Variants in IMMP2L observed in about 807,000 individuals in gnomAD.
IMMP2L encodes the protein mitochondrial inner membrane protease subunit 2.
A neutral mutation model predicts 19.3 loss-of-function variants in IMMP2L; 18 were observed. That is an observed-to-expected ratio of 0.93 (90% confidence interval 0.64 to 1.38). The LOEUF is 1.38. IMMP2L is among the 40% of genes most tolerant of loss of function. IMMP2L has a pLI of 0.00. For synonymous variants in IMMP2L, 76 were observed against 73.0 expected (o/e 1.04, Z -0.21); for missense variants, 233 against 218.2 (o/e 1.07, Z -0.43).
At chr7:111,493,693 A>T (rs894528037) in intron 2 of IMMP2L, among the ~76,000 whole-genome samples, 3 of 148,228 alleles carry the variant, frequency 2.0e-5, no homozygotes, top group Non-Finnish European at 4.5e-5. Flanking sequence ...CGACAGAGCA[A>T]GACTCCGTCT....
chr7:111,235,994 T>C (rs1242165082), intron 3 of IMMP2L, among the ~76,000 whole-genome samples: 1 of 152,130 alleles, frequency 6.6e-6, no homozygotes, highest in Non-Finnish European at 1.5e-5. Context: ...TCATCTTAGG[T>C]CCTGTAACAT....
chr7:111,055,465 T>C (rs534790105), intron 3 of IMMP2L, among the ~76,000 whole-genome samples: 36 of 152,274 alleles, frequency 2.4e-4, no homozygotes, highest in African/African-American at 7.7e-4. Flanking sequence ...CCTGTTTCCA[T>C]TGCTAAGATA....
At chr7:110,720,355 T>C (rs772346111) in intron 5 of IMMP2L, among the ~76,000 whole-genome samples, 2 of 152,128 alleles carry the variant, frequency 1.3e-5, no homozygotes, top group Non-Finnish European at 2.9e-5. Flanking sequence ...AACATTTATG[T>C]AGAAAGTAAT....
chr7:110,679,318 C>T (rs372899329), intron 5 of IMMP2L, among the ~76,000 whole-genome samples: 2 of 152,116 alleles, frequency 1.3e-5, no homozygotes, highest in East Asian at 3.9e-4. Flanking sequence ...TGATGAAATA[C>T]TTGAATATAA....
intron 3 of IMMP2L, among the ~76,000 whole-genome samples, chr7:111,088,983 T>C (rs1796583602): frequency 6.6e-6 from 1 of 152,164 alleles, no homozygotes; most frequent in African/African-American, 2.4e-5. Context: ...TAGTGCTCCA[T>C]GATATTAAAT....
rs993223766 is a variant in IMMP2L, at chr7:111,505,051, A to G, written c.135+16262T>C. Among the ~76,000 whole-genome samples the G allele has an allele frequency of 1.7e-3, 257 of 152,200 alleles. 2 individuals carry two copies. The highest frequency in any genetic ancestry group is 2.6e-3 in the Admixed American group (40 of 15,286). On this transcript the variant is annotated intron_variant, in intron 2 of 5. Coordinates refer to ENST00000405709, the MANE Select transcript of IMMP2L (RefSeq NM_032549.4). ...TCAACAGGCAACCTACAAAATGGGA[A>G]AAAATTTTCGCAACCTACTCATCTG...
intron 3 of IMMP2L, among the ~76,000 whole-genome samples, chr7:111,249,616 G>T (rs1298947351): frequency 6.6e-6 from 1 of 151,956 alleles, no homozygotes; most frequent in Non-Finnish European, 1.5e-5. Context: ...AGAAGAGAAA[G>T]TCATATTTGT....
intron 5 of IMMP2L, among the ~76,000 whole-genome samples, chr7:110,754,348 T>C (rs1797913976): frequency 6.6e-6 from 1 of 152,014 alleles, no homozygotes; most frequent in Non-Finnish European, 1.5e-5. Context: ...TAACTAATGG[T>C]CCTTGTTCAG....
chr7:110,741,664 G>A (rs954513384), intron 5 of IMMP2L, among the ~76,000 whole-genome samples: 15 of 152,076 alleles, frequency 9.9e-5, no homozygotes, highest in African/African-American at 3.6e-4. Context: ...AAGGTATTTT[G>A]TTGCAGCAGC....
At chr7:111,212,391 T>C (rs530283252) in intron 3 of IMMP2L, among the ~76,000 whole-genome samples, 1 of 152,232 alleles carries the variant, frequency 6.6e-6, no homozygotes, top group East Asian at 1.9e-4. Flanking sequence ...GGTGGATTGC[T>C]AGAGTCCAGG....
intron 3 of IMMP2L, among the ~76,000 whole-genome samples, chr7:111,279,150 A>G (rs962613950): frequency 2.6e-5 from 4 of 152,298 alleles, no homozygotes; most frequent in South Asian, 2.1e-4. Flanking sequence ...AGCAGAGGCT[A>G]TTTTATGGAA....
intron 3 of IMMP2L, among the ~76,000 whole-genome samples, chr7:111,140,140 C>T (rs1459046419): frequency 6.6e-6 from 1 of 151,996 alleles, no homozygotes; most frequent in Non-Finnish European, 1.5e-5. Flanking sequence ...AAAAAAGAGA[C>T]AGAGAAAAGA....
intron 5 of IMMP2L, among the ~76,000 whole-genome samples, chr7:110,666,195 T>A (rs1376754857): frequency 6.6e-6 from 1 of 152,200 alleles, no homozygotes; most frequent in Non-Finnish European, 1.5e-5. Context: ...TATTAGTTGT[T>A]ACAGGCTTAC....
At chr7:110,922,302 TTA>T (rs1351403967) in intron 4 of IMMP2L, among the ~76,000 whole-genome samples, 2 of 152,178 alleles carry the variant, frequency 1.3e-5, no homozygotes, top group Non-Finnish European at 2.9e-5. Flanking sequence ...TTCTACTTCT[TTA>T]TGTCTTCCAC....
At chr7:110,921,315 G>T (rs557831565) in intron 4 of IMMP2L, among the ~76,000 whole-genome samples, 11 of 152,286 alleles carry the variant, frequency 7.2e-5, no homozygotes, top group African/African-American at 2.4e-4. Context: ...ATCTGAGGAG[G>T]TTTCTCAAGA....
chr7:110,826,132 A>T (rs1167852218), intron 5 of IMMP2L, among the ~76,000 whole-genome samples: 1 of 152,248 alleles, frequency 6.6e-6, no homozygotes, highest in Non-Finnish European at 1.5e-5. Flanking sequence ...CAAAGCCACA[A>T]TGAGATACCA....
At chr7:111,521,272 T>G in intron 2 of IMMP2L, 41 bp downstream of exon 2, 1 of 1,575,694 alleles carries the variant, frequency 6.3e-7, no homozygotes, top group Non-Finnish European at 8.6e-7. Context: ...TGAAAAACAA[T>G]GAAGTATGTG....
chr7:110,972,298 CA>C (rs1238978926), intron 3 of IMMP2L, among the ~76,000 whole-genome samples: 7 of 152,058 alleles, frequency 4.6e-5, no homozygotes, highest in African/African-American at 1.7e-4. Context: ...GCTACATTAT[CA>C]GAAAGTTTTT....
intron 5 of IMMP2L, among the ~76,000 whole-genome samples, chr7:110,743,919 T>G (rs1212438574): frequency 6.6e-6 from 1 of 151,194 alleles, no homozygotes; most frequent in Non-Finnish European, 1.5e-5. Flanking sequence ...AACCGTTCAC[T>G]CCCCCTGCAA....
Sources: gnomAD v4.1 joint callset for allele counts (sites outside exome capture counted in the v4.1 genomes callset) on GRCh38, gnomAD v4.1.1 for gene constraint, MANE v1.5 for transcripts, NCBI Gene and HGNC (gene_info 2026-07-23, HGNC 2026-07-21) for gene names.